The following DLG2 variants were observed in gnomAD, a reference collection of about 807,000 sequenced individuals.
DLG2 encodes the protein discs large MAGUK scaffold protein 2.
DLG2 carries 45 observed loss-of-function variants against 132.5 expected under a neutral mutation model. That is an observed-to-expected ratio of 0.34 (90% CI 0.27 to 0.44). DLG2 has a LOEUF of 0.44. Ranked by LOEUF, DLG2 falls within the 20% of genes least tolerant of loss-of-function variation. The pLI is 1.00. For synonymous variants in DLG2, 424 were observed against 419.6 expected (o/e 1.01, Z -0.13); for missense variants, 1,045 against 1,196.9 (o/e 0.87, Z 1.87).
chr11:85,052,880 T>C (rs538503294), intron 6 of DLG2, among the ~76,000 whole-genome samples: 1 of 152,346 alleles, frequency 6.6e-6, no homozygotes, highest in African/African-American at 2.4e-5. Flanking sequence ...TGTATAGTTC[T>C]GTGTTTAGTC....
intron 6 of DLG2, among the ~76,000 whole-genome samples, chr11:84,732,040 G>A (rs1222636012): frequency 6.6e-6 from 1 of 151,956 alleles, no homozygotes; most frequent in Non-Finnish European, 1.5e-5. Context: ...CATACAATAT[G>A]TGTTTGGAGT....
intron 5 of DLG2, among the ~76,000 whole-genome samples, chr11:85,148,175 CTA>C (rs561229729): frequency 6.6e-6 from 1 of 152,062 alleles, no homozygotes; most frequent in South Asian, 2.1e-4. Flanking sequence ...TGGGTTGGTT[CTA>C]TGTCTTTGCT....
intron 7 of DLG2, among the ~76,000 whole-genome samples, chr11:84,510,056 T>A (rs1222541201): frequency 1.3e-5 from 2 of 151,052 alleles, no homozygotes; most frequent in Non-Finnish European, 3.0e-5. Flanking sequence ...AAAATAAAAA[T>A]GAAATCTTAA....
intron 6 of DLG2, among the ~76,000 whole-genome samples, chr11:84,767,208 T>G (rs542068971): frequency 6.6e-6 from 1 of 152,100 alleles, no homozygotes; most frequent in African/African-American, 2.4e-5. Flanking sequence ...AATCATTTTA[T>G]ATATGCAAGT....
chr11:84,700,706 T>C (rs1596010605), intron 6 of DLG2, among the ~76,000 whole-genome samples: 2 of 151,010 alleles, frequency 1.3e-5, no homozygotes, highest in South Asian at 2.1e-4. Flanking sequence ...TGAGTAGGAG[T>C]GTTGTCTGGA....
intron 3 of DLG2, among the ~76,000 whole-genome samples, chr11:85,380,473 G>A (rs1355172120): frequency 5.3e-5 from 8 of 152,156 alleles, no homozygotes; most frequent in South Asian, 4.1e-4. Context: ...CAGCCTGACC[G>A]ACATGGAGAA....
chr11:83,882,770 G>C (rs1190266546), intron 15 of DLG2, among the ~76,000 whole-genome samples: 1 of 152,184 alleles, frequency 6.6e-6, no homozygotes, highest in Non-Finnish European at 1.5e-5. Flanking sequence ...TGGATGTGCA[G>C]GGTAGGAAAA....
chr11:85,449,416 G>A (rs2092144700), intron 3 of DLG2, among the ~76,000 whole-genome samples: 1 of 151,350 alleles, frequency 6.6e-6, no homozygotes, highest in South Asian at 2.1e-4. Flanking sequence ...ATTTTCTTTT[G>A]TATAATCTTC....
At chr11:84,678,312 C>A (rs1190550730) in intron 6 of DLG2, among the ~76,000 whole-genome samples, 1 of 152,046 alleles carries the variant, frequency 6.6e-6, no homozygotes, top group Non-Finnish European at 1.5e-5. Context: ...TTTTGCTTAT[C>A]ATCAAAAGCA....
chr11:83,498,632 A>C (rs183182279), intron 21 of DLG2, among the ~76,000 whole-genome samples: 237 of 151,778 alleles, frequency 1.6e-3, no homozygotes, highest in Non-Finnish European at 2.3e-3. Flanking sequence ...CTTCTACCTG[A>C]AGATACTGGA....
rs142775447 is a variant in DLG2 at position 83,543,067 on chromosome 11, C to A, written c.1941-1209G>T. ...CTGCTGCCATGGCAACAAGAAAGAGCTGAAGACAGCATCTAGAGCTCTCAA... is the reference window on the plus strand; with the variant it reads ...CTGCTGCCATGGCAACAAGAAAGAGATGAAGACAGCATCTAGAGCTCTCAA... On this transcript the variant is annotated intron_variant, in intron 19 of 27. Coordinates refer to ENST00000376104, the MANE Select transcript of DLG2 (RefSeq NM_001142699.3). 3.7e-3 allele frequency among the ~76,000 whole-genome samples: 569 copies of A among 152,264 alleles called. 5 individuals are homozygous for A. Among genetic ancestry groups the A allele is most frequent in the African/African-American group, 0.013 (528 of 41,536 alleles).
chr11:85,502,582 T>A (rs1324356286), intron 3 of DLG2, among the ~76,000 whole-genome samples: 1 of 151,736 alleles, frequency 6.6e-6, no homozygotes, highest in East Asian at 1.9e-4. Context: ...TTCTCACTTA[T>A]AAGTTGGAGC....
intron 18 of DLG2, among the ~76,000 whole-genome samples, chr11:83,775,828 C>G (rs1040849763): frequency 1.3e-5 from 2 of 151,978 alleles, no homozygotes; most frequent in Non-Finnish European, 2.9e-5. Flanking sequence ...CGCAGTGGCT[C>G]ACGCCTGTAA....
At chr11:83,713,146 T>C (rs535399757) in intron 18 of DLG2, among the ~76,000 whole-genome samples, 1 of 152,308 alleles carries the variant, frequency 6.6e-6, no homozygotes, top group Non-Finnish European at 1.5e-5. Flanking sequence ...TTTAAAACCC[T>C]TAAAATCTTA....
Position 85,547,613 on chromosome 11 carries a change from C to T in DLG2, c.40+51044G>A, listed in dbSNP as rs375739008. ...TGGTTCCATTCTCCTTGTCACTTTCCGGTACACCAAACAAATGTAGATTTG... is the reference window on the plus strand; with the variant it reads ...TGGTTCCATTCTCCTTGTCACTTTCTGGTACACCAAACAAATGTAGATTTG... On this transcript the variant is annotated intron_variant, in intron 3 of 27. Coordinates refer to ENST00000376104, the MANE Select transcript of DLG2 (RefSeq NM_001142699.3). Among the ~76,000 whole-genome samples, 5 of 152,206 alleles carry T rather than the reference C, an allele frequency of 3.3e-5. No individual in the cohort carries two copies. The East Asian group carries it at 5.8e-4, about 18-fold the overall frequency.
intron 6 of DLG2, among the ~76,000 whole-genome samples, chr11:84,752,240 A>G (rs1375569097): frequency 6.6e-6 from 1 of 152,036 alleles, no homozygotes; most frequent in Non-Finnish European, 1.5e-5. Context: ...ATGTTTATTG[A>G]AGACCTACTA....
At chr11:84,831,166 C>T (rs1198102021) in intron 6 of DLG2, among the ~76,000 whole-genome samples, 2 of 151,372 alleles carry the variant, frequency 1.3e-5, no homozygotes, top group Non-Finnish European at 3.0e-5. Context: ...GCTTTCAACT[C>T]TATAGTGGCT....
At chr11:84,648,060 T>G (rs2099677057) in intron 6 of DLG2, among the ~76,000 whole-genome samples, 1 of 152,140 alleles carries the variant, frequency 6.6e-6, no homozygotes, top group African/African-American at 2.4e-5. Flanking sequence ...TTACCCAAGG[T>G]AACATAGCTA....
chr11:84,166,500 CAAAAAAAAAAA>C (rs398016937), intron 8 of DLG2, among the ~76,000 whole-genome samples: 1 of 81,040 alleles, frequency 1.2e-5, no homozygotes, highest in Non-Finnish European at 2.3e-5. Flanking sequence ...GACTCTGCTT[CAAAAAAAAAAA>C]AAAAAAAAAG....
Sources: allele counts gnomAD v4.1 joint callset (sites outside exome capture counted in the v4.1 genomes callset), GRCh38; gene constraint gnomAD v4.1.1; transcripts MANE v1.5; gene names NCBI Gene and HGNC (gene_info 2026-07-23, HGNC 2026-07-21).